The following PDE1A variants were observed in gnomAD, a reference collection of about 807,000 sequenced individuals.
PDE1A encodes dual specificity calcium/calmodulin-dependent 3',5'-cyclic nucleotide phosphodiesterase 1A.
In PDE1A, 35 loss-of-function variants were observed where a neutral mutation model predicts 61.7. The ratio of observed to expected loss-of-function variants is 0.57; its 90% confidence interval spans 0.43 to 0.75. The LOEUF is 0.75. Ranked by LOEUF, PDE1A falls within the 30% of genes least tolerant of loss-of-function variation. The pLI is 0.00. For synonymous variants in PDE1A, 232 were observed against 213.2 expected, an observed-to-expected ratio of 1.09 and a Z score of -0.77; for missense variants, 597 against 630.6, an observed-to-expected ratio of 0.95 and a Z score of 0.57.
intron 1 of PDE1A, among the ~76,000 whole-genome samples, chr2:182,424,942 A>C (rs1277121332): frequency 6.6e-6 from 1 of 152,290 alleles, no homozygotes; most frequent in Admixed American, 6.5e-5. Context: ...GAATTTAACA[A>C]ATTTTATTCT....
At chr2:182,404,752 G>T (rs537838725) in intron 1 of PDE1A, among the ~76,000 whole-genome samples, 1 of 151,922 alleles carries the variant, frequency 6.6e-6, no homozygotes, top group Admixed American at 6.6e-5. Flanking sequence ...TCCATATCTT[G>T]TCCCCATGGA....
chr2:182,566,983 A>G, the PDE1A span, among the ~76,000 whole-genome samples: 3 of 152,206 alleles, frequency 2.0e-5, 1 homozygote, highest in African/African-American at 7.2e-5. Context: ...TTCTTATATA[A>G]TTATAATTTA....
At chr2:182,246,506 C>T (rs1179242824) in intron 2 of PDE1A, among the ~76,000 whole-genome samples, 6 of 145,618 alleles carry the variant, frequency 4.1e-5, no homozygotes, top group East Asian at 4.2e-4. Flanking sequence ...CATGTTCAAG[C>T]GATTCTCCTG....
At chr2:182,544,044 T>C in the PDE1A span, among the ~76,000 whole-genome samples, 4 of 152,202 alleles carry the variant, frequency 2.6e-5, no homozygotes, top group Non-Finnish European at 5.9e-5. Flanking sequence ...GGTCTCTGTA[T>C]TTTTCAACTA....
intron 6 of PDE1A, among the ~76,000 whole-genome samples, chr2:182,227,764 GCT>G (rs1208165471): frequency 1.3e-5 from 2 of 152,014 alleles, no homozygotes; most frequent in African/African-American, 2.4e-5. Context: ...CTGAGTCCAT[GCT>G]CTCTTTCCTC....
chr2:182,241,902 T>C, intron 2 of PDE1A: 5 of 1,536,446 alleles, frequency 3.3e-6, no homozygotes, highest in Non-Finnish European at 4.4e-6. Flanking sequence ...AGTTTGTTTA[T>C]CTTTTTGCCC....
At chr2:182,627,155 T>C in the PDE1A span, among the ~76,000 whole-genome samples, 40 of 35,658 alleles carry the variant, frequency 1.1e-3, 3 homozygotes, top group African/African-American at 3.9e-3. Context: ...ATTATTTATA[T>C]ATAAAATATA....
intron 2 of PDE1A, among the ~76,000 whole-genome samples, chr2:182,435,778 C>G (rs1416212203): frequency 6.6e-6 from 1 of 152,040 alleles, no homozygotes; most frequent in Non-Finnish European, 1.5e-5. Flanking sequence ...TCCTCCTTAC[C>G]AGCTTTCCTC....
intron 2 of PDE1A, among the ~76,000 whole-genome samples, chr2:182,513,852 G>T (rs905634882): frequency 2.6e-5 from 4 of 151,968 alleles, no homozygotes; most frequent in African/African-American, 9.7e-5. Context: ...GACAAAGAAG[G>T]GCATTACATA....
intron 7 of PDE1A, among the ~76,000 whole-genome samples, chr2:182,212,820 G>T (rs1442709656): frequency 2.6e-5 from 4 of 152,252 alleles, no homozygotes; most frequent in Non-Finnish European, 2.9e-5. Context: ...CAAACTGCAA[G>T]GCGGCAGGGA....
chr2:182,568,434 T>C, the PDE1A span, among the ~76,000 whole-genome samples: 6 of 150,682 alleles, frequency 4.0e-5, no homozygotes, highest in Admixed American at 2.6e-4. Context: ...ATCCCAGCAC[T>C]TTGGGAGGCC....
At chr2:182,508,734 TTTTTTATTTTTTTTTTA>T (rs1407462048) in intron 2 of PDE1A, among the ~76,000 whole-genome samples, 2 of 148,690 alleles carry the variant, frequency 1.3e-5, no homozygotes, top group African/African-American at 5.0e-5. Context: ...ATTTCTTTTT[TTTTTTATTTTTTTTTTA>T]TTTTTATTTT....
At chr2:182,403,208 A>G (rs1392787821) in intron 1 of PDE1A, among the ~76,000 whole-genome samples, 1 of 152,246 alleles carries the variant, frequency 6.6e-6, no homozygotes, top group Admixed American at 6.5e-5. Context: ...ATTCTAGTAC[A>G]AAGACACATG....
chr2:182,219,051 G>A (rs1409626248), intron 7 of PDE1A, among the ~76,000 whole-genome samples: 1 of 152,052 alleles, frequency 6.6e-6, no homozygotes, highest in African/African-American at 2.4e-5. Context: ...GGTAGCAGGT[G>A]AAGGGGATGA....
the PDE1A span, among the ~76,000 whole-genome samples, chr2:182,700,183 T>A: frequency 6.6e-6 from 1 of 152,356 alleles, no homozygotes; most frequent in East Asian, 1.9e-4. Flanking sequence ...TGATTTACTC[T>A]CATGTTGGCT....
chr2:182,447,575 A>G (rs4091077), intron 2 of PDE1A, among the ~76,000 whole-genome samples: 59,031 of 151,854 alleles, frequency 0.39, 12,101 homozygotes, highest in East Asian at 0.65. Flanking sequence ...AGACTAAGGG[A>G]TCCCTTCTAT....
the PDE1A span, among the ~76,000 whole-genome samples, chr2:182,712,117 C>T: frequency 1.3e-5 from 2 of 152,196 alleles, no homozygotes; most frequent in Non-Finnish European, 2.9e-5. Flanking sequence ...TAAATCTAAT[C>T]GTGAGGAAAC....
At chr2:182,418,995 T>C (rs1185197438) in intron 1 of PDE1A, among the ~76,000 whole-genome samples, 13 of 152,118 alleles carry the variant, frequency 8.5e-5, no homozygotes, top group Admixed American at 8.5e-4. Context: ...GCTGATACAA[T>C]TGTCTTCAAT....
intron 1 of PDE1A, among the ~76,000 whole-genome samples, chr2:182,277,595 C>T (rs1007952010): frequency 2.0e-4 from 30 of 152,010 alleles, no homozygotes; most frequent in African/African-American, 5.6e-4. Flanking sequence ...CTTGGCAAGA[C>T]GAATTTCTGA....
Sources: allele counts gnomAD v4.1 joint callset (sites outside exome capture counted in the v4.1 genomes callset), GRCh38; gene constraint gnomAD v4.1.1; transcripts MANE v1.5; gene names NCBI Gene and HGNC (gene_info 2026-07-23, HGNC 2026-07-21).